Variants in SSBP4 observed in about 807,000 individuals in gnomAD.
SSBP4 encodes single-stranded DNA-binding protein 4.
Under a neutral mutation model 64.6 loss-of-function variants are expected in SSBP4, and 33 were observed. The ratio of observed to expected loss-of-function variants is 0.51; its 90% CI spans 0.39 to 0.68. The LOEUF (loss-of-function observed/expected upper bound fraction) is 0.68, where lower values mean the gene tolerates loss of function less well. SSBP4 is among the 30% of genes least tolerant of loss of function. The pLI is 0.00. For synonymous variants in SSBP4, 243 were observed against 224.0 expected (o/e 1.08, Z -0.76); for missense variants, 583 against 566.8 (o/e 1.03, Z -0.29).
chr19:18,422,107 G>T (rs1972505473), intron 1 of SSBP4, among the ~76,000 whole-genome samples: 1 of 152,220 alleles, frequency 6.6e-6, no homozygotes, highest in African/African-American at 2.4e-5. Context: ...GTTGCAGTGA[G>T]CTGAGATCGT....
chr19:18,433,006 T>C lies in SSBP4; in HGVS notation c.875T>C (p.Ile292Thr). Residue 292 changes from isoleucine (I) to threonine (T), a missense_variant, in exon 14 of 18, where the codon ATC (isoleucine) becomes ACC (threonine). Ile to Thr is a moderately conservative substitution (Grantham distance 89). This residue lies in a region of SSBP4 where 444 missense variants were observed against 386.6 expected (regional missense o/e 1.15). Transcript: ENST00000270061. The part of the protein sequence containing the change: ...STNSSENMYT[I>T]MNPIGQGAGR... The stretch of plus-strand genomic sequence containing the variant: ...AACTCCAGCGAAAACATGTACACTA[T>C]CATGAACCCCATCGGGCAGGGCGCC... 1.2e-6 allele frequency: 2 copies of C among 1,614,084 alleles called. No homozygotes were observed. The highest frequency in any genetic ancestry group is 1.3e-5 in the African/African-American group (1 of 75,070).
chr19:18,426,452 G>A lies in SSBP4; in HGVS notation c.60-899G>A, dbSNP rs958784490. Among the ~76,000 whole-genome samples, 1 of 152,226 alleles carries A rather than the reference G, an allele frequency of 6.6e-6. No individual in the cohort carries two copies. The highest frequency in any genetic ancestry group is 2.4e-5 in the African/African-American group (1 of 41,456). ...AGAGCTCTGAGCAGGGAGCGGCTCA[G>A]TTCCAGGGAGGTCCAGAAGGGCTGG... On this transcript the variant is annotated intron_variant, in intron 1 of 17. Transcript: ENST00000270061. The surrounding 1 kb of genome is among the most constrained non-coding windows in gnomAD (Gnocchi z 4.5).
At chr19:18,428,030 C>T (rs764793206) in intron 4 of SSBP4, 48 bp downstream of exon 4, 8 of 1,043,512 alleles carry the variant, frequency 7.7e-6, no homozygotes, top group Non-Finnish European at 6.8e-6. Context: ...GGGAGGTGTG[C>T]TGGGCCTGTG....
At chr19:18,430,308 C>T (rs774678856) in intron 4 of SSBP4, among the ~76,000 whole-genome samples, 1 of 152,150 alleles carries the variant, frequency 6.6e-6, no homozygotes, top group Non-Finnish European at 1.5e-5. Context: ...TGGGCTGCCA[C>T]CACAATTTCT....
chr19:18,421,508 AGTCGGGAAGGCAGGCTCCG>A (rs1972465079), intron 1 of SSBP4, among the ~76,000 whole-genome samples: 1 of 152,188 alleles, frequency 6.6e-6, no homozygotes, highest in South Asian at 2.1e-4. Context: ...TGGGTGTGGC[AGTCGGGAAGGCAGGCTCCG>A]GTCGGGATGG....
At chr19:18,425,320 G>A (rs75427305) in intron 1 of SSBP4, among the ~76,000 whole-genome samples, 57 of 152,130 alleles carry the variant, frequency 3.7e-4, no homozygotes, top group Non-Finnish European at 4.4e-5. Flanking sequence ...CCGCTCACCA[G>A]CGTTCCTGCA....
At chr19:18,432,661 G>A in intron 11 of SSBP4, 39 bp from the exon 12 acceptor site, 2 of 1,556,042 alleles carry the variant, frequency 1.3e-6, no homozygotes, top group Non-Finnish European at 1.7e-6. Flanking sequence ...CACTGGGTGA[G>A]CCGCCTGGCT....
chr19:18,406,907 T>TACGC, the SSBP4 span, among the ~76,000 whole-genome samples: 6 of 152,132 alleles, frequency 3.9e-5, no homozygotes, highest in Non-Finnish European at 7.4e-5. Context: ...TGTGGACCTA[T>TACGC]ACGCATTCAT....
At chr19:18,418,321 TC>T (rs973354085), upstream of SSBP4, among the ~76,000 whole-genome samples, 1 of 152,098 alleles carries the variant, frequency 6.6e-6, no homozygotes, top group Non-Finnish European at 1.5e-5. The surrounding 1 kb of genome is among the most constrained non-coding windows in gnomAD (Gnocchi z 6.7). Context: ...CGCACCGCCT[TC>T]CCCTACCCTG....
At chr19:18,412,041 T>C in the SSBP4 span, among the ~76,000 whole-genome samples, 2 of 152,180 alleles carry the variant, frequency 1.3e-5, no homozygotes, top group Non-Finnish European at 2.9e-5. Context: ...GGTGCACGTC[T>C]GTTGCCCCAG....
chr19:18,406,139 G>C, the SSBP4 span, among the ~76,000 whole-genome samples: 2 of 151,620 alleles, frequency 1.3e-5, no homozygotes, highest in African/African-American at 4.8e-5. Context: ...ACTGTACCAA[G>C]CCAAAAACTT....
chr19:18,416,749 A>C (rs991653779), upstream of SSBP4, among the ~76,000 whole-genome samples: 4 of 151,984 alleles, frequency 2.6e-5, no homozygotes, highest in Non-Finnish European at 4.4e-5. Context: ...TTCCACTTCC[A>C]GGTCTTTCAA....
the SSBP4 span, among the ~76,000 whole-genome samples, chr19:18,412,830 C>T: frequency 6.6e-6 from 1 of 152,168 alleles, no homozygotes; most frequent in Non-Finnish European, 1.5e-5. Context: ...TGAGGTTCAG[C>T]GAGAGCACTG....
chr19:18,419,114 G>T (rs1972243516), upstream of SSBP4: 2 of 985,420 alleles, frequency 2.0e-6, no homozygotes, highest in Non-Finnish European at 2.4e-6. Context: ...TGTGTGGCTG[G>T]GTGTACAACA....
chr19:18,424,882 A>C (rs1440823395), intron 1 of SSBP4, among the ~76,000 whole-genome samples: 4 of 104,582 alleles, frequency 3.8e-5, no homozygotes, highest in South Asian at 3.3e-4. Flanking sequence ...AGAATGGGGA[A>C]GGGGTGGGGG....
At chr19:18,414,717 T>C (rs1471147755), upstream of SSBP4, among the ~76,000 whole-genome samples, 1 of 151,966 alleles carries the variant, frequency 6.6e-6, no homozygotes, top group Non-Finnish European at 1.5e-5. Context: ...GGGGTGTGAG[T>C]TGCAGGTTTG....
At chr19:18,408,197 G>C in the SSBP4 span, among the ~76,000 whole-genome samples, 1 of 152,334 alleles carries the variant, frequency 6.6e-6, no homozygotes, top group African/African-American at 2.4e-5. Flanking sequence ...ACCACGGGAG[G>C]CCACGTCATG....
rs1173568566 is a variant in SSBP4, at chr19:18,426,324, G to A, written c.60-1027G>A. On this transcript the variant is annotated intron_variant, in intron 1 of 17. Coordinates refer to ENST00000270061, the MANE Select transcript of SSBP4 (RefSeq NM_032627.5). This position sits in a 1 kb window ranked among gnomAD's most constrained non-coding sequence, Gnocchi z 4.5. ...GGGCCCCCAGGCCTGCCTGCTTCTC[G>A]CCTCTAGGGCTCAGCCTCAGGCTGG... Among the ~76,000 whole-genome samples the A allele has an allele frequency of 1.3e-5, 2 of 152,192 alleles. No individual in the cohort carries two copies. The highest frequency in any genetic ancestry group is 2.4e-5 in the African/African-American group (1 of 41,448).
chr19:18,433,477 C>T (rs1037671426), intron 15 of SSBP4, 108 bp from the exon 16 acceptor site: 3 of 914,556 alleles, frequency 3.3e-6, no homozygotes, highest in African/African-American at 7.9e-5. Flanking sequence ...CTGTGCGGGG[C>T]GGGGGCGCGT....
Sources: gnomAD v4.1 joint callset for allele counts (sites outside exome capture counted in the v4.1 genomes callset) on GRCh38, gnomAD v4.1.1 for gene constraint, gnomAD v4.1.1 regional missense constraint, Gnocchi (gnomAD v3.1) non-coding constraint, MANE v1.5 for transcripts, NCBI Gene and HGNC (gene_info 2026-07-23, HGNC 2026-07-21) for gene names.